Variants in BTBD1 observed in about 807,000 individuals in gnomAD.
BTBD1 encodes BTB/POZ domain-containing protein 1.
BTBD1 carries 34 observed loss-of-function variants against 48.0 expected under a neutral mutation model. The ratio of observed to expected loss-of-function variants is 0.71; its 90% CI spans 0.54 to 0.94. The LOEUF is 0.94. Among genes scored for constraint, BTBD1 ranks in the 40% least tolerant of loss-of-function variants. The pLI is 0.00. For synonymous variants in BTBD1, 261 were observed against 242.1 expected (o/e 1.08, Z -0.72); for missense variants, 543 against 625.6 (o/e 0.87, Z 1.41).
At chr15:83,062,199 A>G (rs1338242685) in intron 1 of BTBD1, among the ~76,000 whole-genome samples, 6 of 152,250 alleles carry the variant, frequency 3.9e-5, no homozygotes, top group African/African-American at 1.2e-4. Context: ...AGAAGTCATT[A>G]AAAGATTCAG....
chr15:83,034,504 C>A (rs1196310015), intron 4 of BTBD1, among the ~76,000 whole-genome samples: 2 of 152,100 alleles, frequency 1.3e-5, no homozygotes, highest in Non-Finnish European at 2.9e-5. Flanking sequence ...GTCCCAGCTA[C>A]TAAGGAGGCT....
intron 1 of BTBD1, among the ~76,000 whole-genome samples, chr15:83,066,513 G>A (rs1457890335): frequency 1.3e-5 from 2 of 152,146 alleles, no homozygotes; most frequent in African/African-American, 4.8e-5. Context: ...ATGGTAAAAC[G>A]CACGCTTGCC....
In BTBD1 at chr15:83,056,553, A is replaced by G; in HGVS notation, c.402-8T>C. On this transcript the variant is annotated splice_polypyrimidine_tract_variant and splice_region_variant and intron_variant, in intron 1 of 7. Coordinates refer to ENST00000261721, the MANE Select transcript of BTBD1 (RefSeq NM_025238.4). ...TCATCTGAATATAGAAATCTGGAAAACAATTGGCATATTTGCAGAGATGGT... is the reference window on the plus strand; with the variant it reads ...TCATCTGAATATAGAAATCTGGAAAGCAATTGGCATATTTGCAGAGATGGT... The G allele has an allele frequency of 1.2e-6, 2 of 1,612,216 alleles. No individual in the cohort carries two copies. Among genetic ancestry groups the G allele is most frequent in the Non-Finnish European group, 1.7e-6 (2 of 1,178,604 alleles).
rs1365947127 is a variant in BTBD1, at chr15:83,046,418, C to T, written c.664+3655G>A. On this transcript the variant is annotated intron_variant, in intron 3 of 7. Coordinates refer to ENST00000261721, the MANE Select transcript of BTBD1 (RefSeq NM_025238.4). ...GAACCAAATAAAGATCAGAAAAACA[C>T]AGCAGATTGTTTCATAAATATTAAC... Among the ~76,000 whole-genome samples the T allele has an allele frequency of 4.6e-5, 7 of 152,248 alleles. No homozygotes were observed. In the South Asian group the frequency reaches 1.5e-3, roughly 32 times the overall value.
intron 2 of BTBD1, among the ~76,000 whole-genome samples, chr15:83,055,114 A>G (rs1179877382): frequency 6.6e-6 from 1 of 152,368 alleles, no homozygotes; most frequent in East Asian, 1.9e-4. Flanking sequence ...ACTGTCTAAA[A>G]AGAAAAAAAC....
chr15:83,066,232 C>G (rs747710345), intron 1 of BTBD1, among the ~76,000 whole-genome samples: 12 of 151,876 alleles, frequency 7.9e-5, no homozygotes, highest in Non-Finnish European at 1.8e-4. Flanking sequence ...CCGGAGAGGT[C>G]GAGGCTGCAG....
At position 83,044,567 on chromosome 15, in the gene BTBD1, C is replaced by T; in HGVS notation, c.665-2642G>A. The stretch of plus-strand genomic sequence containing the variant: ...CTTTGAAAACACAGTTTTCTTGTAC[C>T]CTGGGAGAGAAGTTTGAAGAAACCA... On this transcript the variant is annotated intron_variant, in intron 3 of 7. Coordinates refer to ENST00000261721, the MANE Select transcript of BTBD1 (RefSeq NM_025238.4). 7 of 1,597,716 alleles carry T rather than the reference C, an allele frequency of 4.4e-6. No homozygotes were observed. The South Asian group carries it at 7.7e-5, about 18-fold the overall frequency.
In BTBD1 at chr15:83,066,830, A is replaced by T; in HGVS notation, c.322T>A (p.Phe108Ile). ...GACGTGGTGGCCATGCCGCCGTTGA[A>T]CATGGCGTCAAAGACGGCGCTGCCG... ...AAGSAVFDAM[F>I]NGGMATTSAE... Residue 108 changes from phenylalanine (F) to isoleucine (I), a missense_variant, in exon 1 of 8, where the codon TTC (phenylalanine) becomes ATC (isoleucine). Phe to Ile is a conservative substitution (Grantham distance 21). Around this residue, in one of 3 missense-constraint regions of BTBD1, gnomAD observed 173 missense variants for 163.9 expected, o/e 1.06. Coordinates refer to ENST00000261721, the MANE Select transcript of BTBD1 (RefSeq NM_025238.4). 1 of 1,446,612 alleles carries T rather than the reference A, an allele frequency of 6.9e-7. No homozygotes were observed. Among genetic ancestry groups the T allele is most frequent in the Non-Finnish European group, 9.1e-7 (1 of 1,103,662 alleles). The allele number at this position is 1,446,612 out of a possible 1,614,324, so 89.6% of individuals were successfully genotyped here.
chr15:83,018,843 T>C lies in BTBD1; in HGVS notation c.1154A>G (p.Tyr385Cys), dbSNP rs1294416558. ...CTGTCCCAGGGTTTGCTTTTTCTCA[T>C]ATTCAATGATCTGTAATTTTTAAGA... is the stretch of plus-strand genomic sequence containing the variant. The part of the protein sequence containing the change: ...DYQVNIQIIE[Y>C]EKKQTLGQND... Residue 385 changes from tyrosine to cysteine, a missense_variant, in exon 7 of 8, where the codon TAT (tyrosine) becomes TGT (cysteine). Physicochemically the swap from Tyr to Cys is radical, Grantham distance 194. Coordinates refer to ENST00000261721, the MANE Select transcript of BTBD1 (RefSeq NM_025238.4). The C allele has an allele frequency of 5.0e-6, 8 of 1,612,454 alleles. No homozygotes were observed. The South Asian group carries it at 5.5e-5, about 11-fold the overall frequency.
intron 3 of BTBD1, among the ~76,000 whole-genome samples, chr15:83,048,394 C>A (rs7172665): frequency 0.46 from 69,202 of 151,918 alleles, 16,917 homozygotes; most frequent in African/African-American, 0.6. Flanking sequence ...GCCCAGAAGA[C>A]GACAGGGACT....
rs372413115 is a variant in BTBD1, at chr15:83,056,374, G to C, written c.558+15C>G. 1 of 1,596,334 alleles carries C rather than the reference G, an allele frequency of 6.3e-7. No individual in the cohort carries two copies. On this transcript the variant is annotated intron_variant, in intron 2 of 7. Coordinates refer to ENST00000261721, the MANE Select transcript of BTBD1 (RefSeq NM_025238.4). ...TAAAACTACAATGATACATACCTTA[G>C]CTACATTTACTTACCTGAGTAAGTA...
Position 83,067,083 on chromosome 15 carries a change from C to T in BTBD1, c.69G>A (p.Ala23=), listed in dbSNP as rs748788344. 1.4e-5 allele frequency: 22 copies of T among 1,531,814 alleles called. No homozygotes were observed. The highest frequency in any genetic ancestry group is 1.9e-5 in the Non-Finnish European group (22 of 1,145,484). The allele number at this position is 1,531,814 out of a possible 1,614,324, so 94.9% of individuals were successfully genotyped here. The change falls in exon 1 of 8, where the codon GCG becomes GCA. Residue 23 remains alanine (A), a synonymous_variant. Coordinates refer to ENST00000261721, the MANE Select transcript of BTBD1 (RefSeq NM_025238.4). ...ASGAEAEPGP[A]GPPPPPSPSS... Reference sequence around the variant, plus strand: ...ACGGTGAGGGCGGCGGCGGCGGCCCCGCGGGGCCCGGCTCCGCCTCAGCCC... The same window carrying T: ...ACGGTGAGGGCGGCGGCGGCGGCCCTGCGGGGCCCGGCTCCGCCTCAGCCC...
intron 5 of BTBD1, among the ~76,000 whole-genome samples, chr15:83,022,894 A>G (rs1450912837): frequency 6.6e-6 from 1 of 151,768 alleles, no homozygotes; most frequent in African/African-American, 2.4e-5. Flanking sequence ...CTGGAGGCAG[A>G]GATTGCAGTG....
intron 3 of BTBD1, among the ~76,000 whole-genome samples, 168 bp downstream of exon 3, chr15:83,049,905 A>C (rs1452524381): frequency 6.6e-6 from 1 of 152,250 alleles, no homozygotes; most frequent in African/African-American, 2.4e-5. Flanking sequence ...GAGCTAGTTA[A>C]GACTTTTAGA....
At chr15:83,065,124 C>A (rs575525918) in intron 1 of BTBD1, among the ~76,000 whole-genome samples, 1 of 148,792 alleles carries the variant, frequency 6.7e-6, no homozygotes, top group East Asian at 2.0e-4. Flanking sequence ...TTAACCATTC[C>A]CTACAGCTGA....
At chr15:83,064,377 GA>G (rs534004118) in intron 1 of BTBD1, among the ~76,000 whole-genome samples, 5 of 149,656 alleles carry the variant, frequency 3.3e-5, no homozygotes, top group African/African-American at 4.9e-5. Context: ...ATGTAAAAAT[GA>G]AAAAAAAGTT....
chr15:83,050,307 CAAT>C (rs1354890756), intron 2 of BTBD1, 129 bp from the exon 3 acceptor site: 2 of 551,994 alleles, frequency 3.6e-6, no homozygotes, highest in East Asian at 2.9e-5. Flanking sequence ...AAAATACACG[CAAT>C]AATGTCTACA....
Position 83,030,120 on chromosome 15 carries a change from C to A in BTBD1, c.1055+16G>T, listed in dbSNP as rs768045195. Reference sequence around the variant, plus strand: ...CTACCCCCACTCTACCCCCGCATCCCCAATATAACAGATACCTGATTCGAT... The same window carrying A: ...CTACCCCCACTCTACCCCCGCATCCACAATATAACAGATACCTGATTCGAT... On this transcript the variant is annotated intron_variant, in intron 5 of 7. Coordinates refer to ENST00000261721, the MANE Select transcript of BTBD1 (RefSeq NM_025238.4). 1 of 1,612,938 alleles carries A rather than the reference C, an allele frequency of 6.2e-7. No homozygotes were observed. The highest frequency in any genetic ancestry group is 1.1e-5 in the South Asian group (1 of 90,974).
At chr15:83,026,325 T>C (rs1325763553) in intron 5 of BTBD1, among the ~76,000 whole-genome samples, 1 of 152,060 alleles carries the variant, frequency 6.6e-6, no homozygotes, top group East Asian at 1.9e-4. Context: ...CATACTCGAT[T>C]TCACAAAGGT....
Sources: allele counts gnomAD v4.1 joint callset (sites outside exome capture counted in the v4.1 genomes callset), GRCh38; gene constraint gnomAD v4.1.1; regional missense constraint gnomAD v4.1.1; transcripts MANE v1.5; gene names NCBI Gene and HGNC (gene_info 2026-07-23, HGNC 2026-07-21).